The following MRPS23 variants were observed in gnomAD, a reference collection of about 807,000 sequenced individuals.
MRPS23 encodes the protein mitochondrial ribosomal protein S23.
In MRPS23, 14 loss-of-function variants were observed where a neutral mutation model predicts 19.8. The observed-to-expected ratio is 0.71, with a 90% CI of 0.47 to 1.11. The LOEUF is 1.11. Ranked by LOEUF, MRPS23 falls within the 50% of genes least tolerant of loss-of-function variation. The pLI is 0.00. For missense variants in MRPS23, 242 were observed against 236.7 expected (o/e 1.02, Z -0.15); for synonymous variants, 113 against 89.7 (o/e 1.26, Z -1.47).
chr17:57,841,302 A>G, intron 2 of MRPS23, 42 bp from the exon 3 acceptor site: 1 of 1,568,580 alleles, frequency 6.4e-7, no homozygotes, highest in South Asian at 1.1e-5. Flanking sequence ...CCGATTATAG[A>G]CTGTGGATGA....
In MRPS23 at chr17:57,837,038, A is replaced by T. The variant is rs1208919664; in HGVS notation, c.*2745T>A. 1 of 152,192 alleles carries T rather than the reference A, an allele frequency of 6.6e-6. No homozygotes were observed. The highest frequency in any genetic ancestry group is 2.4e-5 in the African/African-American group (1 of 41,434). The allele number at this position is 152,192 out of a possible 1,614,324, so 9.4% of individuals were successfully genotyped here. Reference sequence around the variant, plus strand: ...ATGCTTCCATTCTCTCCAAAACGTGATGGGGATCTGATGACAGCTTTTGCC... The same window carrying T: ...ATGCTTCCATTCTCTCCAAAACGTGTTGGGGATCTGATGACAGCTTTTGCC... On this transcript the variant is annotated 3_prime_UTR_variant, in exon 5 of 5. Coordinates refer to ENST00000313608, the MANE Select transcript of MRPS23 (RefSeq NM_016070.4).
chr17:57,839,898 T>C lies in MRPS23; in HGVS notation c.458A>G (p.His153Arg), dbSNP rs2073729925. The change falls in exon 5 of 5, where the codon CAC becomes CGC. Residue 153 changes from histidine (H) to arginine (R), a missense_variant. His to Arg is a conservative substitution (Grantham distance 29). Transcript: ENST00000313608. ...CGCAGTCTGTGGTCTGACACTCAAG[T>C]GTTCGGATTTCCGGGAAACGTGACT... ...GGSHVSRKSEHLSVRPQTALE... is the reference protein window; with the variant it reads ...GGSHVSRKSERLSVRPQTALE... 6.2e-7 allele frequency: 1 copy of C among 1,614,098 alleles called. No homozygotes were observed. The highest frequency in any genetic ancestry group is 1.7e-5 in the Admixed American group (1 of 59,996).
rs1433791158 is a variant in MRPS23 at position 57,842,889 on chromosome 17, T to TACAC, written c.216-1630_216-1629insGTGT. On this transcript the variant is annotated intron_variant, in intron 2 of 4. Transcript: ENST00000313608. The stretch of plus-strand genomic sequence containing the variant: ...TAAAAAAAAAAAAAAAATATATATA[T>TACAC]ATACACACACACACACACACACACA... 8.0e-3 allele frequency among the ~76,000 whole-genome samples: 786 copies of TACAC among 98,348 alleles called. 7 individuals are homozygous for TACAC. Among genetic ancestry groups the TACAC allele is most frequent in the Non-Finnish European group, 0.01 (538 of 51,628 alleles). The allele number at this position is 98,348 out of a possible 152,430, so 64.5% of individuals were successfully genotyped here.
rs914415781 is a variant in MRPS23 at position 57,834,819 on chromosome 17, G to T, written c.*4964C>A. On this transcript the variant is annotated 3_prime_UTR_variant, in exon 5 of 5. Coordinates refer to ENST00000313608, the MANE Select transcript of MRPS23 (RefSeq NM_016070.4). Reference sequence around the variant, plus strand: ...CGCCATCATTTATTTACAGAGAAAGGTATCACTTTAACAAAATCAGGAGTC... The same window carrying T: ...CGCCATCATTTATTTACAGAGAAAGTTATCACTTTAACAAAATCAGGAGTC... 6.6e-6 allele frequency: 1 copy of T among 152,172 alleles called. No individual in the cohort carries two copies. The highest frequency in any genetic ancestry group is 2.4e-5 in the African/African-American group (1 of 41,436). The allele number at this position is 152,172 out of a possible 1,614,324, so 9.4% of individuals were successfully genotyped here.
At chr17:57,841,596 T>A (rs2073740850) in intron 2 of MRPS23, among the ~76,000 whole-genome samples, 1 of 152,244 alleles carries the variant, frequency 6.6e-6, no homozygotes. Flanking sequence ...ATATGCACTA[T>A]CATTCCCTGT....
rs1282766844 is a variant in MRPS23 at position 57,837,481 on chromosome 17, T to C, written c.*2302A>G. ...ACTAGAAAAGCAAGGTACAGAACAG[T>C]ATGCATAGTGTCCTGTCCATGCCCA... On this transcript the variant is annotated 3_prime_UTR_variant, in exon 5 of 5. Transcript: ENST00000313608. 1 of 152,092 alleles carries C rather than the reference T, an allele frequency of 6.6e-6. No homozygotes were observed. The highest frequency in any genetic ancestry group is 2.1e-4 in the South Asian group (1 of 4,826). The allele number at this position is 152,092 out of a possible 1,614,324, so 9.4% of individuals were successfully genotyped here.
Position 57,849,275 on chromosome 17 carries a change from G to A in MRPS23, c.180C>T (p.Ile60=). Residue 60 remains isoleucine (I), a synonymous_variant, in exon 2 of 5, where the codon ATC becomes ATT. Transcript: ENST00000313608. The part of the protein sequence containing the change: ...RVRYGKAKAP[I]QDIWYHEDRI... The stretch of plus-strand genomic sequence containing the variant: ...GATCCTCGTGGTACCAGATGTCTTG[G>A]ATGGGAGCTTTGGCTTTGCCATATC... 2.5e-6 allele frequency: 4 copies of A among 1,614,220 alleles called. No homozygotes were observed. Among genetic ancestry groups the A allele is most frequent in the Non-Finnish European group, 3.4e-6 (4 of 1,180,030 alleles).
rs201526356 is a variant in MRPS23 at position 57,841,193 on chromosome 17, T to C, written c.283A>G (p.Thr95Ala). 5 of 1,614,164 alleles carry C rather than the reference T, an allele frequency of 3.1e-6. No individual in the cohort carries two copies. The highest frequency in any genetic ancestry group is 1.3e-5 in the African/African-American group (1 of 75,056). ...FDLFNPNFKS[T>A]CQRFVEKYTE... ...TATAAAATGGCTTACCGTTGACAGGTAGACTTGAAGTTTGGATTGAATAGA... is the reference window on the plus strand; with the variant it reads ...TATAAAATGGCTTACCGTTGACAGGCAGACTTGAAGTTTGGATTGAATAGA... The change falls in exon 3 of 5, where the codon ACC (threonine) becomes GCC (alanine). Residue 95 changes from threonine (T) to alanine (A), a missense_variant. By Grantham distance (58) the Thr-to-Ala change is moderately conservative. Coordinates refer to ENST00000313608, the MANE Select transcript of MRPS23 (RefSeq NM_016070.4).
chr17:57,844,012 AT>A (rs200750385), intron 2 of MRPS23, among the ~76,000 whole-genome samples: 4,139 of 151,584 alleles, frequency 0.027, 70 homozygotes, highest in Non-Finnish European at 0.042. Flanking sequence ...CACTCAGATT[AT>A]TTTTTTAATT....
At chr17:57,842,883 T>A (rs1263788856) in intron 2 of MRPS23, among the ~76,000 whole-genome samples, 926 of 61,570 alleles carry the variant, frequency 0.015, 21 homozygotes, top group African/African-American at 0.033. Context: ...AAAAAAAATA[T>A]ATATATATAC....
chr17:57,841,126 G>A, intron 3 of MRPS23, 57 bp downstream of exon 3: 1 of 1,608,714 alleles, frequency 6.2e-7, no homozygotes, highest in South Asian at 1.1e-5. Flanking sequence ...ATATCAAATG[G>A]ATAACAAAAT....
chr17:57,849,827 A>C, intron 1 of MRPS23, 140 bp downstream of exon 1: 1 of 972,094 alleles, frequency 1.0e-6, no homozygotes, highest in Non-Finnish European at 1.5e-6. Context: ...AGAAAACATG[A>C]GAGGGCCTCA....
chr17:57,846,185 C>G (rs1285731081), intron 2 of MRPS23, among the ~76,000 whole-genome samples: 1 of 151,028 alleles, frequency 6.6e-6, no homozygotes, highest in African/African-American at 2.4e-5. Flanking sequence ...CTCCGCCAGC[C>G]GCCCCGTCCG....
chr17:57,846,937 T>TA (rs2073780166), intron 2 of MRPS23, among the ~76,000 whole-genome samples: 2 of 138,656 alleles, frequency 1.4e-5, no homozygotes. Context: ...TAAAAAATAA[T>TA]AAAAATAAAT....
chr17:57,847,518 C>T (rs1424346190), intron 2 of MRPS23, among the ~76,000 whole-genome samples: 1 of 151,340 alleles, frequency 6.6e-6, no homozygotes, highest in East Asian at 2.0e-4. Context: ...AAAAATTAGC[C>T]AGCTGTGGTG....
rs924893661 is a variant in MRPS23, at chr17:57,840,912, A to G, written c.420+14T>C. The G allele has an allele frequency of 1.9e-5, 30 of 1,613,620 alleles. No individual in the cohort carries two copies. In the East Asian group the frequency reaches 6.7e-4, roughly 36 times the overall value. On this transcript the variant is annotated intron_variant, in intron 4 of 4. Transcript: ENST00000313608. ...CTATAAACCCAGTAACAATTTTAAC[A>G]ATGAAATACTCACAGTCCTTGCTTC...
At chr17:57,841,977 T>C (rs1042763575) in intron 2 of MRPS23, among the ~76,000 whole-genome samples, 1 of 151,770 alleles carries the variant, frequency 6.6e-6, no homozygotes, top group African/African-American at 2.4e-5. Flanking sequence ...AAATAAATAA[T>C]AAAAACTGAG....
At chr17:57,844,482 G>A (rs1480302165) in intron 2 of MRPS23, among the ~76,000 whole-genome samples, 1 of 151,768 alleles carries the variant, frequency 6.6e-6, no homozygotes, top group African/African-American at 2.4e-5. Context: ...TTAACAGGCT[G>A]GGCATGGTGG....
chr17:57,842,907 C>CACAG (rs1568015748), intron 2 of MRPS23, among the ~76,000 whole-genome samples: 1 of 140,688 alleles, frequency 7.1e-6, no homozygotes, highest in East Asian at 2.0e-4. Context: ...CACACACACA[C>CACAG]ACACACACAC....
Sources: allele counts gnomAD v4.1 joint callset (sites outside exome capture counted in the v4.1 genomes callset), GRCh38; gene constraint gnomAD v4.1.1; transcripts MANE v1.5; gene names NCBI Gene and HGNC (gene_info 2026-07-23, HGNC 2026-07-21).